SNX15: variants seen among roughly 807,000 people sequenced by gnomAD.
SNX15 encodes the protein sorting nexin 15.
SNX15 carries 29 observed loss-of-function variants against 35.2 expected under a neutral mutation model. The ratio of observed to expected loss-of-function variants is 0.82; its 90% CI spans 0.61 to 1.12. The LOEUF is 1.12. SNX15 is among the 50% of genes most tolerant of loss of function. The pLI, the probability that SNX15 is intolerant of heterozygous loss-of-function variation, is 0.00. For missense variants in SNX15, 400 were observed against 451.5 expected (o/e 0.89, Z 1.03); for synonymous variants, 189 against 188.2 (o/e 1.00, Z -0.03).
intron 6 of SNX15, chr11:65,038,260 T>A (rs1354540545): frequency 1.0e-5 from 11 of 1,066,076 alleles, no homozygotes; most frequent in Non-Finnish European, 1.2e-5. Flanking sequence ...CTGGAGGGGA[T>A]TTTTGGATTT....
chr11:65,039,430 G>A (rs952489774), intron 7 of SNX15, among the ~76,000 whole-genome samples: 2 of 151,790 alleles, frequency 1.3e-5, no homozygotes, highest in Admixed American at 6.6e-5. Context: ...CACCATGTTG[G>A]TCAGGCTGGT....
At chr11:65,028,685 C>G in intron 1 of SNX15, among the ~76,000 whole-genome samples, 1 of 76,124 alleles carries the variant, frequency 1.3e-5, no homozygotes, top group East Asian at 2.8e-4. Flanking sequence ...ACACACACAA[C>G]TTTAAAAAAA....
intron 6 of SNX15, chr11:65,037,221 T>A (rs780971532): frequency 7.2e-5 from 11 of 152,104 alleles, no homozygotes; most frequent in East Asian, 1.9e-4. Flanking sequence ...TATTTTTTTT[T>A]ATTTATTTTT....
chr11:65,027,824 C>A (rs1254974977), intron 1 of SNX15, among the ~76,000 whole-genome samples, 188 bp downstream of exon 1: 1 of 152,118 alleles, frequency 6.6e-6, no homozygotes, highest in Non-Finnish European at 1.5e-5. Flanking sequence ...CCTGGGTGGG[C>A]GCTGTCTTTT....
rs543403580 is a variant in SNX15, at chr11:65,032,431, G to A, written c.136G>A (p.Val46Met). Residue 46 changes from valine (V) to methionine (M), a missense_variant and splice_region_variant, in exon 3 of 8, where the codon GTG becomes ATG. Transcript: ENST00000377244. ...TGGGCAAGTCTCATGTACCTCATAG[G>A]TGGTGGTCTGGAAGCGGTACAGCGA... ...SKKDPEDVKE[V>M]VVWKRYSDFR... 1 of 1,614,120 alleles carries A rather than the reference G, an allele frequency of 6.2e-7. No individual in the cohort carries two copies. The highest frequency in any genetic ancestry group is 2.2e-5 in the East Asian group (1 of 44,890).
chr11:65,038,574 G>A lies in SNX15; in HGVS notation c.667G>A (p.Gly223Ser). 6.5e-7 allele frequency: 1 copy of A among 1,529,598 alleles called. No individual in the cohort carries two copies. The highest frequency in any genetic ancestry group is 8.8e-7 in the Non-Finnish European group (1 of 1,140,108). The allele number at this position is 1,529,598 out of a possible 1,614,324, so 94.8% of individuals were successfully genotyped here. A position where few individuals can be genotyped will look rare whatever the true frequency, so the allele number is the denominator to read the frequency against. ...GAGTCCTCCCTTTCTAACTGCAGAA[G>A]GCGCAGCCCCCAGCCCCACCCATGT... ...ALFDPFSKEE[G>S]AAPSPTHVAE... The change falls in exon 7 of 8, where the codon GGC becomes AGC. Residue 223 changes from glycine to serine, a missense_variant and splice_region_variant. By Grantham distance (56) the Gly-to-Ser change is moderately conservative (BLOSUM62 0). Coordinates refer to ENST00000377244, the MANE Select transcript of SNX15 (RefSeq NM_013306.5).
At position 65,039,739 on chromosome 11, in the gene SNX15, C is replaced by A. The variant is rs767536059; in HGVS notation, c.976C>A (p.Leu326Met). 4 of 1,613,694 alleles carry A rather than the reference C, an allele frequency of 2.5e-6. No individual in the cohort carries two copies. Among genetic ancestry groups the A allele is most frequent in the Non-Finnish European group, 3.4e-6 (4 of 1,179,878 alleles). Reference protein sequence around the residue: ...EGVKKKAAEYLKRAEEILRLH... With the variant: ...EGVKKKAAEYMKRAEEILRLH... The stretch of plus-strand genomic sequence containing the variant: ...TGTGAAGAAGAAGGCAGCTGAGTAC[C>A]TGAAGCGGGCAGAGGAGATCCTGCG... Residue 326 changes from leucine to methionine, a missense_variant, in exon 8 of 8, where the codon CTG becomes ATG. Physicochemically the swap from Leu to Met is conservative, Grantham distance 15. Transcript: ENST00000377244.
At chr11:65,031,601 A>G (rs1946440014) in intron 1 of SNX15, among the ~76,000 whole-genome samples, 1 of 152,184 alleles carries the variant, frequency 6.6e-6, no homozygotes, top group East Asian at 1.9e-4. Flanking sequence ...GGTCTGTTCA[A>G]GGAACTGGGA....
At chr11:65,038,884 T>C (rs1946534547) in intron 7 of SNX15, 55 bp downstream of exon 7, 1 of 1,416,908 alleles carries the variant, frequency 7.1e-7, no homozygotes, top group Non-Finnish European at 9.3e-7. Flanking sequence ...GGGGCAGTGA[T>C]GAAGGGAGCA....
At chr11:65,028,653 G>A (rs1227327379) in intron 1 of SNX15, among the ~76,000 whole-genome samples, 4 of 141,244 alleles carry the variant, frequency 2.8e-5, no homozygotes, top group African/African-American at 1.1e-4. Flanking sequence ...GTGAGACCCC[G>A]GATCAATATT....
intron 3 of SNX15, among the ~76,000 whole-genome samples, chr11:65,034,448 G>A (rs187228816): frequency 5.1e-4 from 78 of 152,230 alleles, no homozygotes; most frequent in Admixed American, 4.2e-3. Flanking sequence ...TCCTTGCTTT[G>A]TGACCTTGGG....
At chr11:65,039,577 G>A (rs1014878871) in intron 7 of SNX15, 109 bp from the exon 8 acceptor site, 10 of 649,548 alleles carry the variant, frequency 1.5e-5, no homozygotes, top group Non-Finnish European at 2.8e-5. Context: ...GCCCCAGAGA[G>A]GAGGGAAAAG....
chr11:65,029,403 G>A (rs1590737143), intron 1 of SNX15, among the ~76,000 whole-genome samples: 1 of 151,424 alleles, frequency 6.6e-6, no homozygotes, highest in African/African-American at 2.4e-5. Flanking sequence ...TGATCCACCC[G>A]CCTTGGCCTC....
At position 65,035,001 on chromosome 11, in the gene SNX15, T is replaced by TA. The variant is rs199985249; in HGVS notation, c.372+40dup. The TA allele has an allele frequency of 9.1e-4, 1,463 of 1,613,484 alleles. 21 individuals carry two copies. In the East Asian group the frequency reaches 0.029, roughly 32 times the overall value. On this transcript the variant is annotated intron_variant, in intron 4 of 7. Coordinates refer to ENST00000377244, the MANE Select transcript of SNX15 (RefSeq NM_013306.5). ...CCACCTTCCCAGAACTTGGGCCACT[T>TA]ACCCACCCACCAGATTGCACCCCAT...
intron 6 of SNX15, chr11:65,036,986 T>G (rs1453989991): frequency 1.3e-5 from 2 of 152,286 alleles, no homozygotes; most frequent in African/African-American, 4.8e-5. Context: ...CTTTCACTTT[T>G]CTTGTTCTGC....
At chr11:65,033,868 C>T (rs113662039) in intron 3 of SNX15, among the ~76,000 whole-genome samples, 5,136 of 151,968 alleles carry the variant, frequency 0.034, 146 homozygotes, top group East Asian at 0.076. Flanking sequence ...CGCCACCACA[C>T]CTAATTTTTT....
At position 65,039,956 on chromosome 11, in the gene SNX15, C is replaced by T. The variant is rs1590744993; in HGVS notation, c.*164C>T. On this transcript the variant is annotated 3_prime_UTR_variant, in exon 8 of 8. Transcript: ENST00000377244. ...TAATGAATTCTTAGCTCCCTGATTA[C>T]ACCTGCCACCTTGGAATCAAGGACT... The T allele has an allele frequency of 8.9e-6, 5 of 560,784 alleles. No individual in the cohort carries two copies. Among genetic ancestry groups the T allele is most frequent in the Non-Finnish European group, 1.6e-5 (5 of 306,672 alleles). 34.7% of individuals were successfully genotyped at this position (560,784 alleles called of 1,614,324 possible).
chr11:65,032,689 C>A, intron 3 of SNX15, 138 bp downstream of exon 3: 2 of 993,032 alleles, frequency 2.0e-6, no homozygotes, highest in African/African-American at 1.6e-5. Flanking sequence ...TAGAGATGAC[C>A]TCATTTGACA....
At chr11:65,035,714 C>A in intron 6 of SNX15, 51 bp downstream of exon 6, 6 of 1,553,096 alleles carry the variant, frequency 3.9e-6, no homozygotes, top group Non-Finnish European at 4.3e-6. Context: ...GTCCTTGGGA[C>A]AGGGAGGAGG....
Sources: allele counts gnomAD v4.1 joint callset (sites outside exome capture counted in the v4.1 genomes callset), GRCh38; gene constraint gnomAD v4.1.1; transcripts MANE v1.5; gene names NCBI Gene and HGNC (gene_info 2026-07-23, HGNC 2026-07-21).